The following KCNH1 variants were observed in gnomAD, a reference collection of about 807,000 sequenced individuals.
The protein encoded by KCNH1 is voltage-gated delayed rectifier potassium channel KCNH1.
KCNH1 carries 27 observed loss-of-function variants against 69.2 expected under a neutral mutation model. The observed-to-expected ratio is 0.39, with a 90% CI of 0.29 to 0.54. KCNH1 has a LOEUF of 0.54. KCNH1 is among the 20% of genes least tolerant of loss of function. The pLI is 0.68. For missense variants in KCNH1, 798 were observed against 1,261.6 expected, an observed-to-expected ratio of 0.63 and a Z score of 5.57; for synonymous variants, 456 against 487.7, an observed-to-expected ratio of 0.93 and a Z score of 0.86.
chr1:211,076,765 G>A (rs1254209836), intron 5 of KCNH1, among the ~76,000 whole-genome samples: 1 of 152,236 alleles, frequency 6.6e-6, no homozygotes, highest in Non-Finnish European at 1.5e-5. Flanking sequence ...TGACTTTGAT[G>A]AGCTGACAGA....
chr1:210,796,248 C>G (rs545153398), intron 9 of KCNH1, among the ~76,000 whole-genome samples: 1 of 152,034 alleles, frequency 6.6e-6, no homozygotes, highest in East Asian at 1.9e-4. Flanking sequence ...ATGCTGATTC[C>G]ATGGACCTCA....
intron 5 of KCNH1, among the ~76,000 whole-genome samples, chr1:211,040,701 C>T (rs1405391780): frequency 6.6e-6 from 1 of 152,156 alleles, no homozygotes; most frequent in African/African-American, 2.4e-5. Context: ...GGTCAGAGAT[C>T]ATAATATTTT....
intron 7 of KCNH1, among the ~76,000 whole-genome samples, chr1:210,806,811 A>T (rs1164853430): frequency 0.16 from 839 of 5,380 alleles, 79 homozygotes; most frequent in South Asian, 0.42. Flanking sequence ...CTCTACCAAA[A>T]AAAAAAAAAA....
intron 6 of KCNH1, among the ~76,000 whole-genome samples, chr1:211,008,714 G>A (rs964754375): frequency 2.0e-5 from 3 of 152,204 alleles, no homozygotes; most frequent in East Asian, 1.9e-4. Flanking sequence ...GGAGAAATCC[G>A]ATGTTTTGAT....
chr1:211,085,504 A>T (rs1338952341), intron 4 of KCNH1, among the ~76,000 whole-genome samples: 3 of 151,874 alleles, frequency 2.0e-5, no homozygotes, highest in African/African-American at 7.3e-5. Context: ...AAAGACTGAC[A>T]GATAGAAGAT....
intron 10 of KCNH1, among the ~76,000 whole-genome samples, chr1:210,728,601 G>T (rs1237873956): frequency 6.6e-6 from 1 of 152,140 alleles, no homozygotes; most frequent in African/African-American, 2.4e-5. Context: ...CTGGTTTGAG[G>T]TATGTGTGCA....
chr1:210,860,838 G>A, intron 7 of KCNH1: 2 of 913,174 alleles, frequency 2.2e-6, no homozygotes, highest in Non-Finnish European at 3.7e-6. Flanking sequence ...CACAAAAATA[G>A]TGAAGTACTC....
At chr1:210,772,844 G>T (rs1247449294) in intron 10 of KCNH1, among the ~76,000 whole-genome samples, 2 of 151,980 alleles carry the variant, frequency 1.3e-5, no homozygotes, top group Non-Finnish European at 2.9e-5. Context: ...TGTACCCTGT[G>T]GCTATAAAAA....
At chr1:210,844,439 A>G (rs1176090136) in intron 7 of KCNH1, among the ~76,000 whole-genome samples, 2 of 152,198 alleles carry the variant, frequency 1.3e-5, no homozygotes, top group Non-Finnish European at 2.9e-5. Context: ...AAAACCGCTC[A>G]ACTACATGGA....
intron 10 of KCNH1, among the ~76,000 whole-genome samples, chr1:210,733,022 C>T (rs1322797829): frequency 1.3e-5 from 2 of 152,200 alleles, no homozygotes; most frequent in Non-Finnish European, 2.9e-5. Context: ...CTCAGATACC[C>T]TCTGGCAAGT....
intron 7 of KCNH1, among the ~76,000 whole-genome samples, chr1:210,857,634 ATAGT>A (rs1259708880): frequency 3.3e-5 from 5 of 152,172 alleles, no homozygotes; most frequent in Non-Finnish European, 7.3e-5. Context: ...ATTTGTTTTT[ATAGT>A]TATAGATTTT....
intron 7 of KCNH1, among the ~76,000 whole-genome samples, chr1:210,878,665 A>G (rs1686432414): frequency 6.6e-6 from 1 of 152,092 alleles, no homozygotes; most frequent in African/African-American, 2.4e-5. Context: ...AGCATTCAGT[A>G]CCTATATTAG....
intron 10 of KCNH1, among the ~76,000 whole-genome samples, chr1:210,703,653 T>C (rs1681835603): frequency 6.6e-6 from 1 of 152,194 alleles, no homozygotes; most frequent in African/African-American, 2.4e-5. Flanking sequence ...AAAGACAAGA[T>C]TAAATGCTGC....
chr1:210,859,188 G>A lies in KCNH1; in HGVS notation c.1463-55022C>T, dbSNP rs1685920553. Reference sequence around the variant, plus strand: ...AAAGAGATAACTCAATTCATCCCTGGTACTGGGCCTCCAAAATTGAAAGAA... The same window carrying A: ...AAAGAGATAACTCAATTCATCCCTGATACTGGGCCTCCAAAATTGAAAGAA... On this transcript the variant is annotated intron_variant, in intron 7 of 10. Coordinates refer to ENST00000271751, the MANE Select transcript of KCNH1 (RefSeq NM_172362.3). 3 of 1,591,426 alleles carry A rather than the reference G, an allele frequency of 1.9e-6. No individual in the cohort carries two copies. The South Asian group carries it at 3.3e-5, about 18-fold the overall frequency.
At chr1:211,083,294 G>A (rs771118980) in intron 4 of KCNH1, among the ~76,000 whole-genome samples, 1 of 152,236 alleles carries the variant, frequency 6.6e-6, no homozygotes, top group Non-Finnish European at 1.5e-5. Flanking sequence ...ACTTGGCTCA[G>A]GCTGTTCCCA....
chr1:210,935,120 TCACACACACACA>T (rs10588037), intron 6 of KCNH1, among the ~76,000 whole-genome samples: 16,854 of 129,106 alleles, frequency 0.13, 1,374 homozygotes, highest in Non-Finnish European at 0.19. Context: ...AAAGAAAATG[TCACACACACACA>T]CACACACACA....
At chr1:211,005,436 T>C (rs979027181) in intron 6 of KCNH1, among the ~76,000 whole-genome samples, 1 of 152,076 alleles carries the variant, frequency 6.6e-6, no homozygotes, top group African/African-American at 2.4e-5. Context: ...GAAAAAGAAT[T>C]GAGTCCTGAG....
chr1:210,881,070 T>G (rs1574314350), intron 7 of KCNH1, among the ~76,000 whole-genome samples: 1 of 151,030 alleles, frequency 6.6e-6, no homozygotes. Flanking sequence ...CAGGCTGGAG[T>G]GCAGTGGCGC....
intron 7 of KCNH1, among the ~76,000 whole-genome samples, chr1:210,902,288 C>T (rs1474446206): frequency 1.3e-5 from 2 of 152,218 alleles, no homozygotes; most frequent in Non-Finnish European, 2.9e-5. Flanking sequence ...CATCAAGACA[C>T]AGCATTTTTT....
Sources: gnomAD v4.1 joint callset for allele counts (sites outside exome capture counted in the v4.1 genomes callset) on GRCh38, gnomAD v4.1.1 for gene constraint, MANE v1.5 for transcripts, NCBI Gene and HGNC (gene_info 2026-07-23, HGNC 2026-07-21) for gene names.